Variants in GALNT13 observed in about 807,000 individuals in gnomAD.
GALNT13 encodes polypeptide N-acetylgalactosaminyltransferase 13.
A neutral mutation model predicts 64.2 loss-of-function variants in GALNT13; 28 were observed. The observed-to-expected ratio is 0.44, with a 90% CI of 0.32 to 0.60. The LOEUF (loss-of-function observed/expected upper bound fraction) is 0.60, where lower values mean the gene tolerates loss of function less well. Among genes scored for constraint, GALNT13 ranks in the 20% least tolerant of loss-of-function variants. The pLI, the probability that GALNT13 is intolerant of heterozygous loss-of-function variation, is 0.05. For synonymous variants in GALNT13, 214 were observed against 224.6 expected (o/e 0.95, Z 0.42); for missense variants, 577 against 669.8 (o/e 0.86, Z 1.53).
At chr2:154,199,035 G>A (rs937560638) in intron 4 of GALNT13, among the ~76,000 whole-genome samples, 15 of 152,012 alleles carry the variant, frequency 9.9e-5, no homozygotes, top group African/African-American at 3.6e-4. Flanking sequence ...AGAACAGAAA[G>A]AGGTCGAAGT....
chr2:153,566,908 T>C, the GALNT13 span, among the ~76,000 whole-genome samples: 3 of 152,246 alleles, frequency 2.0e-5, no homozygotes, highest in Non-Finnish European at 2.9e-5. Context: ...CCTTTTGTTA[T>C]CCACATTTTA....
intron 8 of GALNT13, among the ~76,000 whole-genome samples, chr2:154,298,598 AATGTATATATTAATTTATATATAC>A (rs1559075609): frequency 0.062 from 191 of 3,058 alleles, 49 homozygotes; most frequent in East Asian, 0.45. Context: ...TTATATATAC[AATGTATATATTAATTTATATATAC>A]ATTGTATATA....
chr2:154,257,681 TA>T (rs1400141478), intron 7 of GALNT13: 1 of 152,162 alleles, frequency 6.6e-6, no homozygotes, highest in Admixed American at 6.6e-5. Context: ...TACCTGAGCA[TA>T]AAACAGTGAG....
chr2:153,595,441 A>T, the GALNT13 span, among the ~76,000 whole-genome samples: 16 of 151,952 alleles, frequency 1.1e-4, no homozygotes, highest in African/African-American at 3.9e-4. Flanking sequence ...ACAAAATTTT[A>T]TGTTATATAA....
chr2:154,413,261 A>G (rs539684749), intron 11 of GALNT13, among the ~76,000 whole-genome samples: 1 of 152,006 alleles, frequency 6.6e-6, no homozygotes, highest in South Asian at 2.1e-4. Context: ...TCCAAAATGG[A>G]AACCTAACAT....
intron 4 of GALNT13, among the ~76,000 whole-genome samples, chr2:154,147,341 T>A (rs1189111765): frequency 6.7e-6 from 1 of 149,650 alleles, no homozygotes; most frequent in Non-Finnish European, 1.5e-5. Flanking sequence ...ATGGAATATA[T>A]ATATTTGAAT....
At chr2:153,871,874 G>C (rs1281191542), upstream of GALNT13, 1 of 151,510 alleles carries the variant, frequency 6.6e-6, no homozygotes. Context: ...AGGAGGGACC[G>C]GGAGGCGGCG....
At chr2:154,263,575 G>A (rs1467417095) in intron 8 of GALNT13, among the ~76,000 whole-genome samples, 3 of 152,126 alleles carry the variant, frequency 2.0e-5, no homozygotes, top group African/African-American at 7.2e-5. Flanking sequence ...TATACTAAGT[G>A]TTAGTTGAGA....
At chr2:154,164,829 C>A (rs567758397) in intron 4 of GALNT13, among the ~76,000 whole-genome samples, 1 of 151,982 alleles carries the variant, frequency 6.6e-6, no homozygotes, top group Non-Finnish European at 1.5e-5. Context: ...AAAAAATCGA[C>A]CAGGTTTATA....
At chr2:154,213,256 C>G (rs1242816305) in intron 4 of GALNT13, among the ~76,000 whole-genome samples, 3 of 151,886 alleles carry the variant, frequency 2.0e-5, no homozygotes, top group African/African-American at 4.8e-5. Context: ...ATTTTTGTAT[C>G]TTTTGTAGAT....
chr2:153,474,946 C>G, the GALNT13 span, among the ~76,000 whole-genome samples: 3 of 152,296 alleles, frequency 2.0e-5, no homozygotes, highest in East Asian at 5.8e-4. Flanking sequence ...TTAGGTGAAA[C>G]ACAGACAATG....
At chr2:153,206,215 CTA>C in the GALNT13 span, among the ~76,000 whole-genome samples, 5 of 151,992 alleles carry the variant, frequency 3.3e-5, no homozygotes, top group Admixed American at 3.3e-4. Context: ...TATTTAGACA[CTA>C]GAGTTTACTT....
Position 153,899,966 on chromosome 2 carries a change from C to T in GALNT13, c.-176-970C>T, listed in dbSNP as rs1469336837. On this transcript the variant is annotated intron_variant, in intron 1 of 12. Coordinates refer to ENST00000392825, the MANE Select transcript of GALNT13 (RefSeq NM_052917.4). ...TTTTTTTTTTTTTGAGATGGAGTCTCATTCTGTCTCCCAGGCTGGAGTGCA... is the reference window on the plus strand; with the variant it reads ...TTTTTTTTTTTTTGAGATGGAGTCTTATTCTGTCTCCCAGGCTGGAGTGCA... 3.9e-4 allele frequency among the ~76,000 whole-genome samples: 48 copies of T among 121,832 alleles called. No individual in the cohort carries two copies. The Admixed American group carries it at 5.0e-3, about 13-fold the overall frequency. 79.9% of individuals were successfully genotyped at this position (121,832 alleles called of 152,430 possible).
the GALNT13 span, among the ~76,000 whole-genome samples, chr2:153,643,138 A>G: frequency 6.6e-6 from 1 of 151,410 alleles, no homozygotes; most frequent in Non-Finnish European, 1.5e-5. Flanking sequence ...AAAAATGAGA[A>G]GATATGCAAA....
chr2:153,402,951 C>G, the GALNT13 span, among the ~76,000 whole-genome samples: 1 of 152,182 alleles, frequency 6.6e-6, no homozygotes, highest in East Asian at 1.9e-4. Flanking sequence ...CTCCATCCAG[C>G]TTTGTTCCGT....
chr2:153,514,137 A>C, the GALNT13 span, among the ~76,000 whole-genome samples: 2 of 151,642 alleles, frequency 1.3e-5, no homozygotes, highest in African/African-American at 2.4e-5. Context: ...TTTTATTTTC[A>C]TCCTCATATA....
chr2:153,806,601 A>G, the GALNT13 span, among the ~76,000 whole-genome samples: 3 of 151,914 alleles, frequency 2.0e-5, no homozygotes. Flanking sequence ...TCTCTAGGAA[A>G]GAAATCAATA....
chr2:154,046,926 A>G (rs1699320118), intron 3 of GALNT13, among the ~76,000 whole-genome samples: 1 of 102,044 alleles, frequency 9.8e-6, no homozygotes, highest in African/African-American at 3.7e-5. Flanking sequence ...TGTTTAGGCC[A>G]CTTAGTCTGT....
chr2:154,128,361 G>A (rs1177485998), intron 3 of GALNT13, among the ~76,000 whole-genome samples: 1 of 151,872 alleles, frequency 6.6e-6, no homozygotes, highest in African/African-American at 2.4e-5. Context: ...ATTTTTAATG[G>A]CATGCTTGCA....
Sources: gnomAD v4.1 joint callset for allele counts (sites outside exome capture counted in the v4.1 genomes callset) on GRCh38, gnomAD v4.1.1 for gene constraint, MANE v1.5 for transcripts, NCBI Gene and HGNC (gene_info 2026-07-23, HGNC 2026-07-21) for gene names.